The following WAC variants were observed in gnomAD, a reference collection of about 807,000 sequenced individuals.
WAC encodes WW domain containing adaptor with coiled-coil, also known as WW domain-containing adapter protein with coiled-coil.
Under a neutral mutation model 79.6 loss-of-function variants are expected in WAC, and 11 were observed. The observed-to-expected ratio is 0.14, with a 90% CI of 0.09 to 0.23. The LOEUF (loss-of-function observed/expected upper bound fraction) is 0.23, where lower values mean the gene tolerates loss of function less well. Ranked by LOEUF, WAC falls within the 10% of genes least tolerant of loss-of-function variation. The probability of loss-of-function intolerance (pLI) is 1.00; values close to 1 mark genes in which losing one functional copy is unlikely to be tolerated. For missense variants in WAC, 728 were observed against 773.5 expected (o/e 0.94, Z 0.70); for synonymous variants, 304 against 276.9 (o/e 1.10, Z -0.97).
chr10:28,550,159 T>A (rs1243506175), intron 3 of WAC, among the ~76,000 whole-genome samples: 1 of 120,064 alleles, frequency 8.3e-6, no homozygotes, highest in African/African-American at 3.7e-5. Flanking sequence ...AATGCAAGAC[T>A]CAGTCTCAAA....
At chr10:28,607,881 G>A (rs947616610) in intron 7 of WAC, among the ~76,000 whole-genome samples, 9 of 152,198 alleles carry the variant, frequency 5.9e-5, no homozygotes, top group African/African-American at 2.2e-4. Flanking sequence ...CTTTGAGATA[G>A]CATTGGTGGT....
chr10:28,547,830 A>C (rs1007703498), intron 3 of WAC, among the ~76,000 whole-genome samples: 1 of 151,220 alleles, frequency 6.6e-6, no homozygotes, highest in Non-Finnish European at 1.5e-5. Flanking sequence ...CACAAATCTC[A>C]CTTTGTAAGT....
In WAC at chr10:28,608,331, C is replaced by T; in HGVS notation, c.1065C>T (p.Pro355=). 1.2e-6 allele frequency: 2 copies of T among 1,614,204 alleles called. No individual in the cohort carries two copies. The highest frequency in any genetic ancestry group is 1.1e-5 in the South Asian group (1 of 91,088). ...CTGTTCCACAGTCGCCAATACCTCC[C>T]TTACTTCAGGACCCAAATCTTCTTA... ...VSPVPQSPIP[P]LLQDPNLLRQ... The change falls in exon 8 of 14, where the codon CCC becomes CCT. Residue 355 remains proline, a synonymous_variant. Transcript: ENST00000354911.
chr10:28,580,976 G>A (rs1439143147), intron 3 of WAC, among the ~76,000 whole-genome samples: 4 of 152,110 alleles, frequency 2.6e-5, no homozygotes, highest in Non-Finnish European at 1.5e-5. Context: ...AGGAATCCAG[G>A]TGTAAGCTTC....
chr10:28,592,915 T>A (rs912968503), intron 6 of WAC, among the ~76,000 whole-genome samples: 2 of 152,202 alleles, frequency 1.3e-5, no homozygotes, highest in Non-Finnish European at 2.9e-5. Flanking sequence ...TGTTTATAAT[T>A]CTGCAGTTGT....
rs1836362340 is a variant in WAC, at chr10:28,533,155, G to GCACCAGCGGCGGCGGCGGCGGCGGGAGGA, written c.-424_-396dup. The GCACCAGCGGCGGCGGCGGCGGCGGGAGGA allele has an allele frequency of 6.0e-6, 1 of 168,014 alleles. No individual in the cohort carries two copies. The highest frequency in any genetic ancestry group is 2.4e-5 in the African/African-American group (1 of 41,556). 10.4% of individuals were successfully genotyped at this position (168,014 alleles called of 1,614,324 possible). On this transcript the variant is annotated 5_prime_UTR_variant, in exon 1 of 14. Transcript: ENST00000354911. Reference sequence around the variant, plus strand: ...TGTAGTTGGTGGAGCGGCAGCGGCGGCACCAGCGGCGGCGGCGGCGGCGGG... The same window carrying GCACCAGCGGCGGCGGCGGCGGCGGGAGGA: ...TGTAGTTGGTGGAGCGGCAGCGGCGGCACCAGCGGCGGCGGCGGCGGCGGGAGGACACCAGCGGCGGCGGCGGCGGCGGG...
chr10:28,553,816 G>T (rs1220615586), intron 3 of WAC, among the ~76,000 whole-genome samples: 1 of 152,126 alleles, frequency 6.6e-6, no homozygotes, highest in Non-Finnish European at 1.5e-5. Context: ...TATTCCCTAA[G>T]GAATAGGGTA....
At chr10:28,581,858 A>T (rs1413500799) in intron 3 of WAC, among the ~76,000 whole-genome samples, 1 of 152,034 alleles carries the variant, frequency 6.6e-6, no homozygotes, top group South Asian at 2.1e-4. Flanking sequence ...TTTCTTCTTG[A>T]TTCTGTTCAT....
chr10:28,565,237 G>T (rs984810745), intron 3 of WAC, among the ~76,000 whole-genome samples: 12 of 152,182 alleles, frequency 7.9e-5, no homozygotes, highest in Admixed American at 3.9e-4. Context: ...TCGTTTCCAG[G>T]TTAAGGCTGT....
chr10:28,595,098 T>C (rs1193800289), intron 6 of WAC, among the ~76,000 whole-genome samples: 2 of 152,208 alleles, frequency 1.3e-5, no homozygotes, highest in Non-Finnish European at 2.9e-5. Context: ...TGCATCATGA[T>C]TTTATTAACT....
intron 3 of WAC, among the ~76,000 whole-genome samples, chr10:28,582,179 C>T (rs926436807): frequency 2.6e-5 from 4 of 152,118 alleles, no homozygotes; most frequent in Admixed American, 2.6e-4. Flanking sequence ...GCCTTTTTTC[C>T]TGTCATACTC....
intron 8 of WAC, among the ~76,000 whole-genome samples, chr10:28,609,900 T>C (rs1399761987): frequency 2.7e-5 from 4 of 148,894 alleles, no homozygotes; most frequent in African/African-American, 9.8e-5. Context: ...ATCTTACACA[T>C]CAAAAATACA....
intron 12 of WAC, 60 bp downstream of exon 12, chr10:28,616,422 A>G: frequency 7.6e-7 from 1 of 1,321,552 alleles, no homozygotes; most frequent in Non-Finnish European, 1.0e-6. Context: ...AATTTAATCA[A>G]CTTCTAGAGA....
intron 3 of WAC, among the ~76,000 whole-genome samples, chr10:28,558,823 A>G (rs112943153): frequency 3.9e-5 from 6 of 152,306 alleles, no homozygotes; most frequent in African/African-American, 1.2e-4. Flanking sequence ...ATTTTTGTGC[A>G]CTGTGGGCTT....
Position 28,621,836 on chromosome 10 carries a change from T to C in WAC, c.*2230T>C, listed in dbSNP as rs1841703564. Reference sequence around the variant, plus strand: ...TACATCCCTAAATGAATTAGTCACATATATTTAGGAGAAGATGCCTAATTT... The same window carrying C: ...TACATCCCTAAATGAATTAGTCACACATATTTAGGAGAAGATGCCTAATTT... On this transcript the variant is annotated 3_prime_UTR_variant, in exon 14 of 14. Transcript: ENST00000354911. The C allele has an allele frequency of 1.3e-5, 2 of 152,254 alleles. No homozygotes were observed. Among genetic ancestry groups the C allele is most frequent in the African/African-American group, 2.4e-5 (1 of 41,470 alleles). The allele number at this position is 152,254 out of a possible 1,614,324, so 9.4% of individuals were successfully genotyped here.
chr10:28,577,878 G>A (rs1839326429), intron 3 of WAC, among the ~76,000 whole-genome samples: 1 of 152,166 alleles, frequency 6.6e-6, no homozygotes, highest in South Asian at 2.1e-4. Context: ...CAGGTATTAA[G>A]CCAGGCATGG....
chr10:28,541,230 G>T (rs1837001827), intron 3 of WAC, among the ~76,000 whole-genome samples: 1 of 151,926 alleles, frequency 6.6e-6, no homozygotes, highest in East Asian at 1.9e-4. Context: ...TGTCTATTAA[G>T]CATCTGTTAC....
At chr10:28,551,839 T>TTC (rs1837695926) in intron 3 of WAC, among the ~76,000 whole-genome samples, 4 of 149,076 alleles carry the variant, frequency 2.7e-5, no homozygotes, top group African/African-American at 7.4e-5. Flanking sequence ...TTTTTTTTTT[T>TTC]CCTGAGATGG....
At chr10:28,567,836 C>T (rs1304597230) in intron 3 of WAC, among the ~76,000 whole-genome samples, 1 of 152,064 alleles carries the variant, frequency 6.6e-6, no homozygotes, top group Admixed American at 6.6e-5. Flanking sequence ...CTCACTGCAG[C>T]CTTGACCTCC....
Sources: allele counts gnomAD v4.1 joint callset (sites outside exome capture counted in the v4.1 genomes callset), GRCh38; gene constraint gnomAD v4.1.1; transcripts MANE v1.5; gene names NCBI Gene and HGNC (gene_info 2026-07-23, HGNC 2026-07-21).